CAPS2: variants seen among roughly 807,000 people sequenced by gnomAD.
CAPS2 encodes the protein calcyphosin-2.
CAPS2 carries 98 observed loss-of-function variants against 86.5 expected under a neutral mutation model. That is an observed-to-expected ratio of 1.13 (90% CI 0.96 to 1.34). The LOEUF (loss-of-function observed/expected upper bound fraction) is 1.34, where lower values mean the gene tolerates loss of function less well. Among genes scored for constraint, CAPS2 ranks in the 40% most tolerant of loss-of-function variants. The pLI, the probability that CAPS2 is intolerant of heterozygous loss-of-function variation, is 0.00. For synonymous variants in CAPS2, 210 were observed against 225.1 expected (o/e 0.93, Z 0.60); for missense variants, 729 against 686.8 (o/e 1.06, Z -0.69).
At chr12:75,343,698 G>C in intron 1 of CAPS2, 1 of 1,599,978 alleles carries the variant, frequency 6.3e-7, no homozygotes, top group Non-Finnish European at 8.5e-7. Flanking sequence ...TTCAGATTTG[G>C]GATAAAGGTT....
chr12:75,309,435 G>A (rs2038905143), intron 7 of CAPS2, among the ~76,000 whole-genome samples: 1 of 152,144 alleles, frequency 6.6e-6, no homozygotes. Flanking sequence ...ACCAGGTTGG[G>A]TTCCATGATT....
At chr12:75,339,391 T>C (rs956814100) in intron 1 of CAPS2, among the ~76,000 whole-genome samples, 5 of 152,154 alleles carry the variant, frequency 3.3e-5, no homozygotes, top group African/African-American at 1.2e-4. Context: ...TGGCCATATG[T>C]ATGTCTTCTT....
chr12:75,334,421 C>A (rs2041561605), upstream of CAPS2: 1 of 1,110,650 alleles, frequency 9.0e-7, no homozygotes, highest in Non-Finnish European at 1.1e-6. Context: ...ATCTGTATTA[C>A]AATCCAGACG....
At chr12:75,297,809 T>C (rs1297169819) in intron 11 of CAPS2, among the ~76,000 whole-genome samples, 1 of 152,208 alleles carries the variant, frequency 6.6e-6, no homozygotes, top group Non-Finnish European at 1.5e-5. Flanking sequence ...TAGAACAAGC[T>C]GTCTTCTCCA....
chr12:75,302,359 C>T (rs894669880), intron 8 of CAPS2, among the ~76,000 whole-genome samples: 3 of 152,140 alleles, frequency 2.0e-5, no homozygotes, highest in African/African-American at 7.2e-5. Flanking sequence ...AAGAAAAAGC[C>T]TAGAAACCAA....
chr12:75,330,965 T>G (rs1033089394), upstream of CAPS2, among the ~76,000 whole-genome samples: 1 of 152,044 alleles, frequency 6.6e-6, no homozygotes, highest in African/African-American at 2.4e-5. Context: ...TTTGTATCTT[T>G]ATATAGAGGG....
intron 6 of CAPS2, among the ~76,000 whole-genome samples, chr12:75,314,789 T>C (rs1447511167): frequency 1.3e-5 from 2 of 152,126 alleles, no homozygotes; most frequent in Admixed American, 6.6e-5. Flanking sequence ...AAAGCCCATC[T>C]TCAGTGTTGA....
intron 1 of CAPS2, among the ~76,000 whole-genome samples, chr12:75,337,484 C>T (rs558338299): frequency 6.6e-6 from 1 of 151,812 alleles, no homozygotes; most frequent in South Asian, 2.1e-4. Context: ...ATAAATTTTA[C>T]AACATAAAGA....
chr12:75,355,640 A>T (rs775942669), intron 1 of CAPS2, among the ~76,000 whole-genome samples: 2 of 152,216 alleles, frequency 1.3e-5, no homozygotes, highest in Non-Finnish European at 2.9e-5. Context: ...ATATACCCAA[A>T]AAATATAAAT....
At chr12:75,331,712 C>G (rs995704641), upstream of CAPS2, among the ~76,000 whole-genome samples, 2 of 151,576 alleles carry the variant, frequency 1.3e-5, no homozygotes, top group African/African-American at 2.4e-5. Flanking sequence ...TACAGGCGCC[C>G]GCCACTACGC....
exon 17 of CAPS2, chr12:75,278,398 G>A (rs2033278422): frequency 1.0e-6 from 1 of 983,510 alleles, no homozygotes. Context: ...ATTTTCATGT[G>A]TTAAAAACAC....
intron 6 of CAPS2, 91 bp from the exon 7 acceptor site, chr12:75,313,006 C>T: frequency 1.5e-6 from 1 of 675,076 alleles, no homozygotes. Flanking sequence ...AATTAAATAT[C>T]TCTGATTTCC....
chr12:75,343,706 G>A lies in CAPS2; in HGVS notation c.-394-20484C>T, dbSNP rs746054970. 9 of 1,607,876 alleles carry A rather than the reference G, an allele frequency of 5.6e-6. No individual in the cohort carries two copies. In the East Asian group the frequency reaches 2.0e-4, roughly 36 times the overall value. Reference sequence around the variant, plus strand: ...TTTATCTTTCAGATTTGGGATAAAGGTTTAGCAAAGATGGCTAAAGCATGG... The same window carrying A: ...TTTATCTTTCAGATTTGGGATAAAGATTTAGCAAAGATGGCTAAAGCATGG... On this transcript the variant is annotated intron_variant, in intron 1 of 5. Transcript: ENST00000551829.
chr12:75,375,636 C>T (rs1280823357), intron 1 of CAPS2, among the ~76,000 whole-genome samples: 3 of 152,156 alleles, frequency 2.0e-5, no homozygotes, highest in African/African-American at 7.2e-5. Flanking sequence ...AGTCTTTTGT[C>T]CACTCGACCT....
intron 7 of CAPS2, among the ~76,000 whole-genome samples, chr12:75,311,719 AAAAAC>A (rs1565874179): frequency 0.016 from 275 of 17,350 alleles, 59 homozygotes; most frequent in African/African-American, 0.033. Context: ...AAACAAAAAA[AAAAAC>A]AAAAAAAAAA....
chr12:75,357,231 G>A (rs1438710547), intron 1 of CAPS2, among the ~76,000 whole-genome samples: 1 of 152,068 alleles, frequency 6.6e-6, no homozygotes, highest in East Asian at 1.9e-4. Context: ...ATTAGTATCA[G>A]AAAATGTAGA....
exon 17 of CAPS2, chr12:75,277,705 G>A (rs2033173586): frequency 1.1e-6 from 1 of 883,208 alleles, no homozygotes; most frequent in Admixed American, 6.2e-5. Flanking sequence ...TGGATACAGT[G>A]ATATGTCTAA....
rs60724193 is a variant in CAPS2, at chr12:75,287,945, T to A, written c.1395+1676A>T. ...TCACCCTGTGGGATCTGAGGCTACC[T>A]CCAGGTAGATAATGTCAGAATTGAA... On this transcript the variant is annotated intron_variant, in intron 14 of 16. Coordinates refer to ENST00000393284, the Ensembl canonical transcript of CAPS2. 8.0e-3 allele frequency among the ~76,000 whole-genome samples: 1,224 copies of A among 152,296 alleles called. 19 individuals are homozygous for A. Among genetic ancestry groups the A allele is most frequent in the African/African-American group, 0.028 (1,153 of 41,556 alleles).
At chr12:75,288,388 T>C (rs2035273571) in intron 14 of CAPS2, among the ~76,000 whole-genome samples, 2 of 152,154 alleles carry the variant, frequency 1.3e-5, no homozygotes, top group South Asian at 2.1e-4. Flanking sequence ...ACTCTAACTA[T>C]AGCAATTACC....
Sources: gnomAD v4.1 joint callset for allele counts (sites outside exome capture counted in the v4.1 genomes callset) on GRCh38, gnomAD v4.1.1 for gene constraint, MANE v1.5 for transcripts, NCBI Gene and HGNC (gene_info 2026-07-23, HGNC 2026-07-21) for gene names.